The following ZNF469 variants were observed in gnomAD, a reference collection of about 807,000 sequenced individuals.
The protein encoded by ZNF469 is zinc finger protein 469.
In ZNF469, 1 loss-of-function variant was observed where a neutral mutation model predicts 1.0. The ratio of observed to expected loss-of-function variants is 1.00; its 90% CI spans 0.35 to 4.73. The LOEUF is 4.73. ZNF469 is among the 30% of genes most tolerant of loss of function. ZNF469 has a pLI of 0.16. For missense variants in ZNF469, 6,100 were observed against 5,356.3 expected, an observed-to-expected ratio of 1.14 and a Z score of -4.33; for synonymous variants, 2,703 against 2,363.4, an observed-to-expected ratio of 1.14 and a Z score of -4.17.
chr16:88,101,914 G>A, the ZNF469 span, among the ~76,000 whole-genome samples: 1 of 152,174 alleles, frequency 6.6e-6, no homozygotes, highest in Non-Finnish European at 1.5e-5. Context: ...GAGGTCGGCC[G>A]CGGGTGCGTC....
At chr16:88,235,991 A>G in the ZNF469 span, among the ~76,000 whole-genome samples, 1 of 152,346 alleles carries the variant, frequency 6.6e-6, no homozygotes, top group South Asian at 2.1e-4. Context: ...CTGATTAGCA[A>G]TTGGTTGAGA....
chr16:88,369,077 T>G, the ZNF469 span, among the ~76,000 whole-genome samples: 2 of 138,384 alleles, frequency 1.4e-5, no homozygotes, highest in Non-Finnish European at 3.0e-5. Context: ...AGATTCTGTC[T>G]CAAAAAAAAA....
the ZNF469 span, among the ~76,000 whole-genome samples, chr16:88,205,885 C>T: frequency 6.6e-6 from 1 of 152,056 alleles, no homozygotes; most frequent in African/African-American, 2.4e-5. This position sits in a 1 kb window ranked among gnomAD's most constrained non-coding sequence, Gnocchi z 4.2. Context: ...AGAAAGTCGG[C>T]AATGAGGCCA....
the ZNF469 span, among the ~76,000 whole-genome samples, chr16:88,264,826 G>A: frequency 7.2e-5 from 11 of 152,074 alleles, no homozygotes; most frequent in East Asian, 1.9e-3. Flanking sequence ...TCGCACCCTC[G>A]CGCCAGGCAC....
At chr16:88,248,203 C>G in the ZNF469 span, among the ~76,000 whole-genome samples, 1 of 152,134 alleles carries the variant, frequency 6.6e-6, no homozygotes, top group Non-Finnish European at 1.5e-5. Context: ...AGAAAGCACT[C>G]TTAGGGTGAG....
the ZNF469 span, among the ~76,000 whole-genome samples, chr16:88,235,261 A>G: frequency 1.3e-5 from 2 of 152,044 alleles, no homozygotes; most frequent in African/African-American, 4.8e-5. Flanking sequence ...CTCCCTGCCC[A>G]TGGAGCTCCG....
At chr16:88,323,505 A>G in the ZNF469 span, among the ~76,000 whole-genome samples, 1 of 152,142 alleles carries the variant, frequency 6.6e-6, no homozygotes, top group African/African-American at 2.4e-5. Flanking sequence ...CCCTGGCGAA[A>G]TCTCTGTGGG....
At chr16:88,312,558 CT>C in the ZNF469 span, among the ~76,000 whole-genome samples, 8 of 152,346 alleles carry the variant, frequency 5.3e-5, no homozygotes, top group East Asian at 1.5e-3. Flanking sequence ...ATATACCCAC[CT>C]CCTTTTAAGC....
chr16:88,430,342 C>G lies in ZNF469; in HGVS notation c.2872C>G (p.Leu958Val), dbSNP rs778692904. The change falls in exon 3 of 3, where the codon CTG (leucine) becomes GTG (valine). Residue 958 changes from leucine to valine, a missense_variant. By Grantham distance (32) the Leu-to-Val change is conservative. Coordinates refer to ENST00000565624, the MANE Select transcript of ZNF469 (RefSeq NM_001367624.2). The stretch of plus-strand genomic sequence containing the variant: ...GCAGTTGAAGCTGTTCCGGAAGGAT[C>G]TGGACTCGGGCGGCGCAGCAGAGGG... ...GKQLKLFRKD[L>V]DSGGAAEGSG... 1 of 1,514,130 alleles carries G rather than the reference C, an allele frequency of 6.6e-7. No individual in the cohort carries two copies. The highest frequency in any genetic ancestry group is 8.8e-7 in the Non-Finnish European group (1 of 1,135,544). 93.8% of individuals were successfully genotyped at this position (1,514,130 alleles called of 1,614,324 possible).
chr16:88,371,423 G>A, the ZNF469 span, among the ~76,000 whole-genome samples: 1 of 152,198 alleles, frequency 6.6e-6, no homozygotes, highest in African/African-American at 2.4e-5. Flanking sequence ...TATGTCCCCA[G>A]TTCAGTCCTC....
At chr16:88,122,784 T>C in the ZNF469 span, among the ~76,000 whole-genome samples, 1 of 134,016 alleles carries the variant, frequency 7.5e-6, no homozygotes, top group Non-Finnish European at 1.6e-5. Context: ...TCTGTGTGTA[T>C]ATATATGTGT....
the ZNF469 span, among the ~76,000 whole-genome samples, chr16:88,225,523 C>T: frequency 7.9e-5 from 12 of 151,998 alleles, no homozygotes; most frequent in Admixed American, 3.9e-4. Context: ...TTGCCTTTTT[C>T]GGGGAGGAGG....
the ZNF469 span, among the ~76,000 whole-genome samples, chr16:88,132,363 C>T: frequency 6.6e-6 from 1 of 152,376 alleles, no homozygotes; most frequent in African/African-American, 2.4e-5. Context: ...AGAGAGGCTG[C>T]AGCTCCATCA....
At chr16:88,131,589 C>T in the ZNF469 span, among the ~76,000 whole-genome samples, 1 of 147,444 alleles carries the variant, frequency 6.8e-6, no homozygotes. Context: ...TATGTTTCCC[C>T]ATTTCTGAAA....
chr16:88,255,143 C>G, the ZNF469 span, among the ~76,000 whole-genome samples: 5 of 152,156 alleles, frequency 3.3e-5, no homozygotes, highest in African/African-American at 1.2e-4. Flanking sequence ...GGACAATGAG[C>G]CCAAGTAATT....
At chr16:88,274,729 G>A in the ZNF469 span, among the ~76,000 whole-genome samples, 3 of 152,200 alleles carry the variant, frequency 2.0e-5, no homozygotes, top group Non-Finnish European at 2.9e-5. Context: ...GTTCAATTCT[G>A]CTATTCAGTT....
chr16:88,413,633 A>G (rs542736322), intron 1 of ZNF469, among the ~76,000 whole-genome samples: 44 of 152,316 alleles, frequency 2.9e-4, no homozygotes, highest in African/African-American at 1.0e-3. Context: ...CGTTATAGCA[A>G]GGTTCAGTCA....
Position 88,394,603 on chromosome 16 carries a change from C to T in ZNF469, c.-192+11349C>T, listed in dbSNP as rs192574778. 2.8e-3 allele frequency among the ~76,000 whole-genome samples: 422 copies of T among 152,310 alleles called. 10 individuals are homozygous for T. Among genetic ancestry groups the T allele is most frequent in the Admixed American group, 0.027 (410 of 15,304 alleles). The stretch of plus-strand genomic sequence containing the variant: ...GGGTGTGAGGTGGGGCTGACACTCC[C>T]GGCCCCTCCCCAGGCCAGGCCTGGC... On this transcript the variant is annotated intron_variant, in intron 1 of 2. Coordinates refer to ENST00000565624, the MANE Select transcript of ZNF469 (RefSeq NM_001367624.2).
At chr16:88,324,714 A>G in the ZNF469 span, among the ~76,000 whole-genome samples, 1 of 152,134 alleles carries the variant, frequency 6.6e-6, no homozygotes, top group Non-Finnish European at 1.5e-5. Flanking sequence ...GGTTATTCAG[A>G]AATCTCTAGA....
Sources: gnomAD v4.1 joint callset for allele counts (sites outside exome capture counted in the v4.1 genomes callset) on GRCh38, gnomAD v4.1.1 for gene constraint, Gnocchi (gnomAD v3.1) non-coding constraint, MANE v1.5 for transcripts, NCBI Gene and HGNC (gene_info 2026-07-23, HGNC 2026-07-21) for gene names.